CHRM3: variants seen among roughly 807,000 people sequenced by gnomAD.
CHRM3 encodes the protein muscarinic acetylcholine receptor M3.
In CHRM3, 11 loss-of-function variants were observed where a neutral mutation model predicts 41.8. The ratio of observed to expected loss-of-function variants is 0.26; its 90% CI spans 0.17 to 0.44. The LOEUF (loss-of-function observed/expected upper bound fraction) is 0.44. Ranked by LOEUF, CHRM3 falls within the 20% of genes least tolerant of loss-of-function variation. The pLI is 1.00. For synonymous variants in CHRM3, 297 were observed against 301.4 expected (o/e 0.99, Z 0.15); for missense variants, 571 against 745.4 (o/e 0.77, Z 2.72).
intron 3 of CHRM3, among the ~76,000 whole-genome samples, chr1:239,558,717 C>G (rs1383825656): frequency 6.6e-6 from 1 of 152,144 alleles, no homozygotes; most frequent in Non-Finnish European, 1.5e-5. Context: ...AATGCCTTTC[C>G]CTCTCTACCT....
intron 3 of CHRM3, among the ~76,000 whole-genome samples, chr1:239,606,895 A>G (rs939025719): frequency 5.5e-4 from 83 of 152,210 alleles, no homozygotes; most frequent in Middle Eastern, 3.4e-3. Flanking sequence ...ACCACATACA[A>G]ACCAGGCAGC....
chr1:239,526,710 T>G (rs1161780455), intron 2 of CHRM3, among the ~76,000 whole-genome samples: 2 of 152,224 alleles, frequency 1.3e-5, no homozygotes, highest in Non-Finnish European at 2.9e-5. Context: ...TCAGACATTT[T>G]CTTTCTTACA....
In CHRM3 at chr1:239,877,922, G is replaced by A. The variant is rs185261607; in HGVS notation, c.-19-29511G>A. 3.5e-3 allele frequency among the ~76,000 whole-genome samples: 512 copies of A among 148,114 alleles called. 1 individual carries two copies. Among genetic ancestry groups the A allele is most frequent in the African/African-American group, 0.012 (489 of 40,130 alleles). On this transcript the variant is annotated intron_variant, in intron 6 of 6. Transcript: ENST00000676153. ...TTTTTTTTTAATGAGACAGAGTCTC[G>A]CTCTATCGCCCAGGCTGGAGTGCAG...
intron 1 of CHRM3, among the ~76,000 whole-genome samples, chr1:239,488,255 C>T (rs1049428273): frequency 6.6e-6 from 1 of 152,042 alleles, no homozygotes; most frequent in South Asian, 2.1e-4. Flanking sequence ...TGTACATAAC[C>T]GTTAACTCCT....
intron 5 of CHRM3, among the ~76,000 whole-genome samples, chr1:239,814,049 AATAAATAC>A (rs56709140): frequency 0.24 from 37,056 of 151,692 alleles, 4,866 homozygotes; most frequent in African/African-American, 0.35. Flanking sequence ...TAAATAAATA[AATAAATAC>A]ATAAACTAAT....
chr1:239,688,630 A>G (rs1283073153), intron 5 of CHRM3, among the ~76,000 whole-genome samples: 2 of 133,808 alleles, frequency 1.5e-5, no homozygotes, highest in Admixed American at 8.3e-5. Context: ...TCAGTATAAT[A>G]CATAATATAT....
At chr1:239,493,895 C>G (rs1667715863) in intron 2 of CHRM3, among the ~76,000 whole-genome samples, 1 of 152,070 alleles carries the variant, frequency 6.6e-6, no homozygotes, top group South Asian at 2.1e-4. Flanking sequence ...CTTGGCTTTA[C>G]ACAGGAAAGA....
rs112481703 is a variant in CHRM3 at position 239,413,195 on chromosome 1, C to T, written c.-521+25968C>T. On this transcript the variant is annotated intron_variant, in intron 1 of 6. Transcript: ENST00000676153. ...TTACTGGTTTCCACTGCTGTTCACA[C>T]CTTCCACCCTTTGGCCCAACAAGGC... Among the ~76,000 whole-genome samples the T allele has an allele frequency of 1.2e-3, 186 of 152,266 alleles. 1 individual carries two copies. The highest frequency in any genetic ancestry group is 4.2e-3 in the African/African-American group (176 of 41,560).
rs59189002 is a variant in CHRM3, at chr1:239,909,431, A to AAAC, written c.*207_*208insAAC. ...CCAATTCAGCAAAAAGAAAAAAAAAACATACTACTGAATATAAAGAAATTT... is the reference window on the plus strand; with the variant it reads ...CCAATTCAGCAAAAAGAAAAAAAAAAAACCATACTACTGAATATAAAGAAATTT... On this transcript the variant is annotated 3_prime_UTR_variant, in exon 7 of 7. Transcript: ENST00000676153. The AAAC allele has an allele frequency of 4.0e-6, 2 of 497,260 alleles. No individual in the cohort carries two copies. The highest frequency in any genetic ancestry group is 7.2e-6 in the Non-Finnish European group (2 of 278,096). 30.8% of individuals were successfully genotyped at this position (497,260 alleles called of 1,614,324 possible). A position where few individuals can be genotyped will look rare whatever the true frequency, so the allele number is the denominator to read the frequency against.
chr1:239,899,836 T>A (rs1238573583), intron 6 of CHRM3: 8 of 152,186 alleles, frequency 5.3e-5, no homozygotes, highest in African/African-American at 1.9e-4. Flanking sequence ...AACCATTCCC[T>A]GAATGTTGCA....
At chr1:239,687,116 A>G (rs933045155) in intron 5 of CHRM3, among the ~76,000 whole-genome samples, 3 of 151,642 alleles carry the variant, frequency 2.0e-5, no homozygotes, top group East Asian at 1.9e-4. Context: ...TATTGATACT[A>G]TATTTTAATA....
At chr1:239,494,925 C>A (rs1443136478) in intron 2 of CHRM3, among the ~76,000 whole-genome samples, 1 of 152,076 alleles carries the variant, frequency 6.6e-6, no homozygotes, top group Non-Finnish European at 1.5e-5. Context: ...TATACTTCAT[C>A]TCTTTCTCCC....
chr1:239,869,626 A>G (rs1376297087), intron 6 of CHRM3, among the ~76,000 whole-genome samples: 1 of 152,098 alleles, frequency 6.6e-6, no homozygotes, highest in Admixed American at 6.6e-5. Context: ...GCCCTCAGCC[A>G]TGGATCCCCA....
chr1:239,575,396 T>G (rs993549246), intron 3 of CHRM3, among the ~76,000 whole-genome samples: 2 of 152,202 alleles, frequency 1.3e-5, no homozygotes, highest in East Asian at 3.8e-4. Flanking sequence ...AGAGTGAAAC[T>G]TCAAGTCCTA....
intron 6 of CHRM3, among the ~76,000 whole-genome samples, chr1:239,889,834 T>C (rs1439402019): frequency 6.6e-6 from 1 of 152,194 alleles, no homozygotes; most frequent in Non-Finnish European, 1.5e-5. Flanking sequence ...GAGAGAAAGA[T>C]AATGCTTGGC....
intron 3 of CHRM3, among the ~76,000 whole-genome samples, chr1:239,570,641 G>A (rs1041991139): frequency 6.6e-6 from 1 of 151,970 alleles, no homozygotes; most frequent in African/African-American, 2.4e-5. Context: ...CATTGATTAC[G>A]GCCATTGTTT....
At chr1:239,597,017 A>G (rs892476690) in intron 3 of CHRM3, among the ~76,000 whole-genome samples, 1 of 152,178 alleles carries the variant, frequency 6.6e-6, no homozygotes, top group Admixed American at 6.5e-5. Flanking sequence ...GATTTTCTGA[A>G]TAGCTCTTAG....
chr1:239,675,225 ATT>A (rs930070913), intron 4 of CHRM3, among the ~76,000 whole-genome samples: 4 of 152,152 alleles, frequency 2.6e-5, no homozygotes, highest in African/African-American at 9.7e-5. Flanking sequence ...GAATAAATAC[ATT>A]TTCATAAATT....
intron 1 of CHRM3, among the ~76,000 whole-genome samples, chr1:239,473,979 A>G (rs1666305542): frequency 6.6e-6 from 1 of 152,092 alleles, no homozygotes; most frequent in Non-Finnish European, 1.5e-5. Flanking sequence ...TGGAATCTGT[A>G]TTGTTTTATT....
Sources: allele counts gnomAD v4.1 joint callset (sites outside exome capture counted in the v4.1 genomes callset), GRCh38; gene constraint gnomAD v4.1.1; transcripts MANE v1.5; gene names NCBI Gene and HGNC (gene_info 2026-07-23, HGNC 2026-07-21).